ADGRG6: variants seen among roughly 807,000 people sequenced by gnomAD.
ADGRG6 encodes the protein G-protein coupled receptor 126.
Under a neutral mutation model 142.4 loss-of-function variants are expected in ADGRG6, and 84 were observed. The observed-to-expected ratio is 0.59, with a 90% CI of 0.49 to 0.71. The LOEUF is 0.71. Among genes scored for constraint, ADGRG6 ranks in the 30% least tolerant of loss-of-function variants. The pLI is 0.00. For missense variants in ADGRG6, 1,367 were observed against 1,466.6 expected, an observed-to-expected ratio of 0.93 and a Z score of 1.11; for synonymous variants, 521 against 520.5, an observed-to-expected ratio of 1.00 and a Z score of -0.01.
chr6:142,441,167 G>A (rs963770793), intron 24 of ADGRG6, among the ~76,000 whole-genome samples: 1 of 152,124 alleles, frequency 6.6e-6, no homozygotes, highest in African/African-American at 2.4e-5. Context: ...ATCTGCAAGC[G>A]GCTCCTTCTA....
intron 2 of ADGRG6, among the ~76,000 whole-genome samples, chr6:142,335,301 A>G (rs894157395): frequency 3.1e-4 from 47 of 152,280 alleles, no homozygotes; most frequent in African/African-American, 1.1e-3. Flanking sequence ...TTTTTATTAC[A>G]CAATTATTGA....
chr6:142,325,014 T>A (rs986896010), intron 2 of ADGRG6, among the ~76,000 whole-genome samples: 1 of 152,136 alleles, frequency 6.6e-6, no homozygotes, highest in Non-Finnish European at 1.5e-5. Flanking sequence ...GGCACAACCA[T>A]GCATTTTAGT....
chr6:142,331,912 G>A (rs924994574), intron 2 of ADGRG6, among the ~76,000 whole-genome samples: 4 of 152,068 alleles, frequency 2.6e-5, no homozygotes, highest in African/African-American at 9.7e-5. Context: ...GCAAATAAAT[G>A]TTATCTCAGA....
chr6:142,404,665 ATCT>A (rs1775708358), intron 14 of ADGRG6, among the ~76,000 whole-genome samples: 1 of 152,004 alleles, frequency 6.6e-6, no homozygotes, highest in African/African-American at 2.4e-5. Context: ...GAAAAAAATA[ATCT>A]TCTGGAGGAC....
intron 2 of ADGRG6, among the ~76,000 whole-genome samples, chr6:142,315,754 C>T (rs1157093030): frequency 6.6e-6 from 1 of 151,830 alleles, no homozygotes; most frequent in Non-Finnish European, 1.5e-5. Flanking sequence ...TCACTTGAAT[C>T]TGGGAGGTGG....
At chr6:142,379,301 T>C (rs1267659744) in intron 4 of ADGRG6, among the ~76,000 whole-genome samples, 1 of 152,248 alleles carries the variant, frequency 6.6e-6, no homozygotes, top group Non-Finnish European at 1.5e-5. Context: ...AAATTTCTTG[T>C]ATCTGTATCT....
At chr6:142,380,539 TTTTAC>T (rs1159047806) in intron 4 of ADGRG6, among the ~76,000 whole-genome samples, 3 of 152,156 alleles carry the variant, frequency 2.0e-5, no homozygotes, top group Non-Finnish European at 4.4e-5. Flanking sequence ...CCTTATCAGT[TTTTAC>T]TTTACTTTAG....
Position 142,437,143 on chromosome 6 carries a change from G to T in ADGRG6, c.3320-291G>T, listed in dbSNP as rs575368569. On this transcript the variant is annotated intron_variant, in intron 22 of 24. Coordinates refer to ENST00000367609, the MANE Select transcript of ADGRG6 (RefSeq NM_198569.3). ...ATACTAAATACTTCTAGAATTGAAT[G>T]TTGCTTATTTCAGCTTGGCTTTTAG... Among the ~76,000 whole-genome samples the T allele has an allele frequency of 7.2e-5, 11 of 152,256 alleles. 1 individual carries two copies. Among genetic ancestry groups the T allele is most frequent in the African/African-American group, 2.2e-4 (9 of 41,554 alleles).
intron 24 of ADGRG6, among the ~76,000 whole-genome samples, chr6:142,442,811 A>G (rs1334904088): frequency 1.3e-5 from 2 of 152,076 alleles, no homozygotes; most frequent in African/African-American, 4.8e-5. Flanking sequence ...ATTTAATTTT[A>G]TAAAATTTTT....
intron 22 of ADGRG6, among the ~76,000 whole-genome samples, chr6:142,425,143 T>C (rs1776877498): frequency 6.6e-6 from 1 of 152,146 alleles, no homozygotes. Flanking sequence ...TGTATTTCAA[T>C]CTTTATAAAC....
chr6:142,364,049 A>G (rs974723106), intron 2 of ADGRG6, among the ~76,000 whole-genome samples: 18 of 151,260 alleles, frequency 1.2e-4, no homozygotes, highest in Non-Finnish European at 1.6e-4. Flanking sequence ...GCTTACATTC[A>G]GAAGGGCTGG....
chr6:142,403,852 C>T lies in ADGRG6; in HGVS notation c.2006C>T (p.Thr669Ile), dbSNP rs1775661515. The T allele has an allele frequency of 6.2e-7, 1 of 1,609,112 alleles. No individual in the cohort carries two copies. The highest frequency in any genetic ancestry group is 1.7e-5 in the Admixed American group (1 of 59,560). ...ELAFKIDLNS[T>I]SHVNITTRNL... ...GCCTTCAAGATAGACCTAAATAGCA[C>T]ATCACATGTGAATATTACAACTCGG... The change falls in exon 14 of 25, where the codon ACA (threonine) becomes ATA (isoleucine). Residue 669 changes from threonine to isoleucine, a missense_variant. Around this residue, in one of 3 missense-constraint regions of ADGRG6, gnomAD observed 286 missense variants for 371.4 expected, o/e 0.77. Transcript: ENST00000367609.
chr6:142,334,702 G>T (rs1208686709), intron 2 of ADGRG6, among the ~76,000 whole-genome samples: 3 of 152,174 alleles, frequency 2.0e-5, no homozygotes, highest in Non-Finnish European at 4.4e-5. Context: ...GGGTGAACCT[G>T]AAGGTCCCTT....
chr6:142,405,511 G>C, intron 14 of ADGRG6, 177 bp from the exon 15 acceptor site: 6 of 679,438 alleles, frequency 8.8e-6, no homozygotes, highest in Admixed American at 2.1e-5. Flanking sequence ...GAGATCTACA[G>C]CTCTGTCTGT....
intron 4 of ADGRG6, among the ~76,000 whole-genome samples, chr6:142,381,039 T>A (rs149318920): frequency 1.3e-5 from 2 of 152,200 alleles, no homozygotes. Flanking sequence ...GTATCAAGGA[T>A]GAAGAAACCA....
At chr6:142,314,765 C>T (rs188629364) in intron 2 of ADGRG6, among the ~76,000 whole-genome samples, 1 of 152,280 alleles carries the variant, frequency 6.6e-6, no homozygotes, top group African/African-American at 2.4e-5. Flanking sequence ...CAGACTTCTT[C>T]TAAGTATCTC....
intron 2 of ADGRG6, among the ~76,000 whole-genome samples, chr6:142,366,953 G>A (rs558827630): frequency 2.0e-5 from 3 of 152,002 alleles, no homozygotes; most frequent in South Asian, 2.1e-4. Flanking sequence ...ATGTATTTTC[G>A]AAACTATAAA....
chr6:142,433,139 C>CTT (rs1777294698), intron 22 of ADGRG6, among the ~76,000 whole-genome samples: 3 of 152,150 alleles, frequency 2.0e-5, no homozygotes, highest in Admixed American at 1.3e-4. Context: ...AAAATACCTC[C>CTT]AAGAACAAAT....
At chr6:142,403,182 A>G (rs1775621871) in intron 13 of ADGRG6, among the ~76,000 whole-genome samples, 1 of 152,188 alleles carries the variant, frequency 6.6e-6, no homozygotes, top group Non-Finnish European at 1.5e-5. Context: ...ACTGTGAACT[A>G]TGCCACTGAC....
Sources: allele counts gnomAD v4.1 joint callset (sites outside exome capture counted in the v4.1 genomes callset), GRCh38; gene constraint gnomAD v4.1.1; regional missense constraint gnomAD v4.1.1; transcripts MANE v1.5; gene names NCBI Gene and HGNC (gene_info 2026-07-23, HGNC 2026-07-21).